Variants in THSD4 observed in about 807,000 individuals in gnomAD.
THSD4 encodes thrombospondin type-1 domain-containing protein 4.
THSD4 carries 69 observed loss-of-function variants against 119.0 expected under a neutral mutation model. That is an observed-to-expected ratio of 0.58 (90% CI 0.48 to 0.71). THSD4 has a LOEUF of 0.71. THSD4 is among the 30% of genes least tolerant of loss of function. The pLI is 0.00. For missense variants in THSD4, 1,393 were observed against 1,391.1 expected, an observed-to-expected ratio of 1.00 and a Z score of -0.02; for synonymous variants, 524 against 540.4, an observed-to-expected ratio of 0.97 and a Z score of 0.42.
rs2051819555 is a variant in THSD4, at chr15:71,682,890, T to G, written c.1357+22156T>G. Among the ~76,000 whole-genome samples, 4 of 7,646 alleles carry G rather than the reference T, an allele frequency of 5.2e-4. 1 individual carries two copies. Among genetic ancestry groups the G allele is most frequent in the African/African-American group, 6.7e-4 (3 of 4,454 alleles). The allele number at this position is 7,646 out of a possible 152,430, so 5.0% of individuals were successfully genotyped here. On this transcript the variant is annotated intron_variant, in intron 8 of 17. Coordinates refer to ENST00000261862, the MANE Select transcript of THSD4 (RefSeq NM_024817.3). The stretch of plus-strand genomic sequence containing the variant: ...TTTCTTTCTTTCTTTCTTTCTTTCT[T>G]TCTTTCTTTCTTTCTTTCTTCTTCT...
Position 71,215,293 on chromosome 15 carries a change from G to C in THSD4, c.358G>C (p.Glu120Gln), listed in dbSNP as rs931630384. Residue 120 changes from glutamate to glutamine, a missense_variant, in exon 4 of 18, where the codon GAG becomes CAG. Physicochemically the swap from Glu to Gln is conservative, Grantham distance 29 (BLOSUM62 2). Coordinates refer to ENST00000261862, the MANE Select transcript of THSD4 (RefSeq NM_024817.3). ...TSVPLHRSRD[E>Q]TPALAGTDAS... ...GGTGCCACTGCACCGGAGCCGCGAC[G>C]AGACGCCAGCGCTGGCCGGTACGGA... 2 of 1,522,650 alleles carry C rather than the reference G, an allele frequency of 1.3e-6. No individual in the cohort carries two copies. Among genetic ancestry groups the C allele is most frequent in the South Asian group, 1.2e-5 (1 of 83,412 alleles). The allele number at this position is 1,522,650 out of a possible 1,614,324, so 94.3% of individuals were successfully genotyped here.
At chr15:71,245,495 T>C (rs1424846543) in intron 5 of THSD4, among the ~76,000 whole-genome samples, 1 of 152,138 alleles carries the variant, frequency 6.6e-6, no homozygotes, top group Non-Finnish European at 1.5e-5. Flanking sequence ...TTACGACTTA[T>C]TACAGCCAAA....
intron 7 of THSD4, among the ~76,000 whole-genome samples, chr15:71,626,794 G>A (rs370912217): frequency 3.3e-5 from 5 of 152,120 alleles, no homozygotes; most frequent in East Asian, 1.9e-4. Flanking sequence ...TAGCATTGAC[G>A]TGTTATTTTC....
At chr15:71,316,330 T>G (rs1191002494) in intron 6 of THSD4, among the ~76,000 whole-genome samples, 1 of 152,120 alleles carries the variant, frequency 6.6e-6, no homozygotes, top group African/African-American at 2.4e-5. Flanking sequence ...AGGTAGACAT[T>G]GACAAACCTT....
intron 7 of THSD4, among the ~76,000 whole-genome samples, chr15:71,551,060 T>C (rs1432676499): frequency 6.6e-6 from 1 of 152,248 alleles, no homozygotes; most frequent in Admixed American, 6.5e-5. Flanking sequence ...CCTGTCATAA[T>C]TAGGTCCTTT....
chr15:71,469,848 T>G (rs924973752), intron 7 of THSD4, among the ~76,000 whole-genome samples: 1 of 152,188 alleles, frequency 6.6e-6, no homozygotes, highest in Non-Finnish European at 1.5e-5. Context: ...GAACAACATG[T>G]GCTAAATGAT....
At chr15:71,439,335 C>T (rs1379151756) in intron 7 of THSD4, among the ~76,000 whole-genome samples, 1 of 152,012 alleles carries the variant, frequency 6.6e-6, no homozygotes, top group Non-Finnish European at 1.5e-5. Flanking sequence ...TTCACAATTC[C>T]CAGCAAAATG....
At chr15:71,716,246 C>T (rs192402999) in intron 8 of THSD4, among the ~76,000 whole-genome samples, 1 of 152,108 alleles carries the variant, frequency 6.6e-6, no homozygotes, top group Non-Finnish European at 1.5e-5. Flanking sequence ...TTTCTAAGGA[C>T]ACCAGTCATA....
At chr15:71,640,167 C>T (rs528082237) in intron 7 of THSD4, among the ~76,000 whole-genome samples, 3 of 152,072 alleles carry the variant, frequency 2.0e-5, no homozygotes, top group South Asian at 2.1e-4. Context: ...ACTGTAGCCT[C>T]GACCTCTTGG....
chr15:71,228,625 A>G (rs2140262121), intron 4 of THSD4, among the ~76,000 whole-genome samples: 1 of 152,272 alleles, frequency 6.6e-6, no homozygotes, highest in Admixed American at 6.5e-5. Flanking sequence ...TACAGCAACA[A>G]TGTGATGAGC....
intron 8 of THSD4, among the ~76,000 whole-genome samples, chr15:71,706,720 ATG>A (rs1567111187): frequency 6.6e-6 from 1 of 152,152 alleles, no homozygotes; most frequent in Admixed American, 6.5e-5. Context: ...AAGGGTTAAC[ATG>A]CTACCAACGT....
At chr15:71,322,801 C>A (rs1360376537) in intron 6 of THSD4, among the ~76,000 whole-genome samples, 1 of 152,166 alleles carries the variant, frequency 6.6e-6, no homozygotes, top group African/African-American at 2.4e-5. Flanking sequence ...CAGCCAATCA[C>A]AGAGGCCAGG....
intron 1 of THSD4, among the ~76,000 whole-genome samples, chr15:71,103,450 T>A (rs944294662): frequency 9.9e-5 from 15 of 152,150 alleles, no homozygotes; most frequent in Non-Finnish European, 4.4e-5. Flanking sequence ...CTCCCTACTC[T>A]CCGTGATCTC....
intron 7 of THSD4, among the ~76,000 whole-genome samples, chr15:71,551,793 C>A (rs2048933262): frequency 1.3e-5 from 2 of 152,162 alleles, no homozygotes; most frequent in African/African-American, 4.8e-5. Context: ...CACATGCACA[C>A]CCTCTGCCTG....
intron 7 of THSD4, among the ~76,000 whole-genome samples, chr15:71,422,614 A>G (rs2046822967): frequency 6.6e-6 from 1 of 151,854 alleles, no homozygotes; most frequent in African/African-American, 2.4e-5. Context: ...GGCCACCACC[A>G]CTGGGACTGC....
At chr15:71,392,422 A>G (rs912624912) in intron 6 of THSD4, among the ~76,000 whole-genome samples, 1 of 152,214 alleles carries the variant, frequency 6.6e-6, no homozygotes, top group Non-Finnish European at 1.5e-5. Flanking sequence ...AGGTTCATAG[A>G]CTTACTTTGT....
At chr15:71,621,242 C>T (rs7166463) in intron 7 of THSD4, among the ~76,000 whole-genome samples, 31,897 of 151,944 alleles carry the variant, frequency 0.21, 3,864 homozygotes, top group African/African-American at 0.33. Context: ...TACTTAATTA[C>T]GAGTTTCTAC....
intron 7 of THSD4, among the ~76,000 whole-genome samples, chr15:71,550,598 G>A (rs535643273): frequency 1.4e-4 from 21 of 152,144 alleles, no homozygotes; most frequent in South Asian, 1.0e-3. Flanking sequence ...CGCCACGCCC[G>A]GCTAATTTTG....
intron 3 of THSD4, among the ~76,000 whole-genome samples, chr15:71,172,424 C>A (rs1179403675): frequency 6.6e-6 from 1 of 151,592 alleles, no homozygotes; most frequent in African/African-American, 2.4e-5. Context: ...TTCAAATTGA[C>A]CTATAGATTT....
Sources: allele counts gnomAD v4.1 joint callset (sites outside exome capture counted in the v4.1 genomes callset), GRCh38; gene constraint gnomAD v4.1.1; transcripts MANE v1.5; gene names NCBI Gene and HGNC (gene_info 2026-07-23, HGNC 2026-07-21).